The following TENM1 variants were observed in gnomAD, a reference collection of about 807,000 sequenced individuals.
TENM1 encodes teneurin transmembrane protein 1, also known as teneurin-1.
A neutral mutation model predicts 174.8 loss-of-function variants in TENM1; 35 were observed. The observed-to-expected ratio is 0.20, with a 90% CI of 0.15 to 0.27. The LOEUF is 0.27. TENM1 is among the 10% of genes least tolerant of loss of function. The pLI, the probability that TENM1 is intolerant of heterozygous loss-of-function variation, is 1.00. For missense variants in TENM1, 1,633 were observed against 2,130.1 expected (o/e 0.77, Z 4.59); for synonymous variants, 781 against 798.7 (o/e 0.98, Z 0.37).
intron 18 of TENM1, among the ~76,000 whole-genome samples, chrX:124,505,554 A>G (rs1285724419): frequency 1.8e-5 from 2 of 111,235 alleles, no homozygotes; most frequent in Non-Finnish European, 3.8e-5. Flanking sequence ...GTTAGAAAAG[A>G]CTTCAACTCT....
At chrX:124,982,345 G>C in the TENM1 span, among the ~76,000 whole-genome samples, 1 of 106,140 alleles carries the variant, frequency 9.4e-6, no homozygotes, top group Admixed American at 1.0e-4. Context: ...AAGCAACTAA[G>C]TTCTCCTATG....
intron 3 of TENM1, among the ~76,000 whole-genome samples, chrX:124,802,334 T>C (rs922380792): frequency 3.7e-4 from 41 of 111,825 alleles, no homozygotes; most frequent in African/African-American, 1.3e-3. Context: ...TGCTTTCTGT[T>C]TGTTTTTCTT....
Position 124,669,109 on chromosome X carries a change from T to A in TENM1, c.1168+2574A>T, listed in dbSNP as rs188461293. Among the ~76,000 whole-genome samples the A allele has an allele frequency of 3.6e-5, 4 of 112,260 alleles. No individual in the cohort carries two copies. In the East Asian group the frequency reaches 1.1e-3, roughly 31 times the overall value. ...TAATAACTGCTGCTAAATTAAGCAA[T>A]GTGTCAGACACTGTGCTATATGCTT... On this transcript the variant is annotated intron_variant, in intron 6 of 31. Coordinates refer to ENST00000422452, the Ensembl canonical transcript of TENM1.
intron 3 of TENM1, among the ~76,000 whole-genome samples, chrX:124,783,836 G>GGCAACC (rs1242040970): frequency 1.8e-5 from 2 of 112,098 alleles, no homozygotes; most frequent in East Asian, 5.6e-4. Context: ...ACAGAGTTTA[G>GGCAACC]GCAACCACAA....
At chrX:124,444,149 G>A (rs920717117) in intron 23 of TENM1, among the ~76,000 whole-genome samples, 1 of 111,645 alleles carries the variant, frequency 9.0e-6, no homozygotes, top group African/African-American at 3.3e-5. Flanking sequence ...ATTTTATAAT[G>A]GATGAAGGCA....
chrX:124,551,251 G>T (rs1235599586), intron 14 of TENM1, among the ~76,000 whole-genome samples: 1 of 111,653 alleles, frequency 9.0e-6, no homozygotes, highest in Non-Finnish European at 1.9e-5. Context: ...ATTAGGCTAA[G>T]TGAAATAAGT....
Position 124,586,091 on chromosome X carries a change from C to T in TENM1, c.2078-20531G>A, listed in dbSNP as rs1275933554. Among the ~76,000 whole-genome samples, 4 of 109,450 alleles carry T rather than the reference C, an allele frequency of 3.7e-5. No homozygotes were observed. In the South Asian group the frequency reaches 1.2e-3, roughly 33 times the overall value. On this transcript the variant is annotated intron_variant, in intron 11 of 31. Transcript: ENST00000422452. ...GTCCAGGACCAGATGGATTCACAGC[C>T]GAATTCTACCAGAGGTACAAGGAGG...
chrX:124,894,866 A>G (rs2057536028), intron 2 of TENM1, among the ~76,000 whole-genome samples: 1 of 111,761 alleles, frequency 8.9e-6, no homozygotes, highest in Non-Finnish European at 1.9e-5. Flanking sequence ...TATGCTACAT[A>G]TGTCAAATAT....
chrX:124,998,430 T>C, the TENM1 span, among the ~76,000 whole-genome samples: 5 of 107,494 alleles, frequency 4.7e-5, no homozygotes, highest in African/African-American at 1.4e-4. Context: ...ATTCAAAATA[T>C]AAAATTCGAC....
chrX:125,040,354 G>A, the TENM1 span, among the ~76,000 whole-genome samples: 6 of 111,094 alleles, frequency 5.4e-5, no homozygotes, highest in African/African-American at 1.6e-4. Context: ...ATATTTACCT[G>A]TCTGCATATC....
At chrX:124,957,160 T>C (rs772346683) in intron 1 of TENM1, among the ~76,000 whole-genome samples, 263 of 110,989 alleles carry the variant, frequency 2.4e-3, no homozygotes, top group African/African-American at 8.4e-3. Context: ...TAAATGCTGA[T>C]GCATAAGTGT....
intron 1 of TENM1, among the ~76,000 whole-genome samples, chrX:124,902,288 C>A (rs1287613841): frequency 4.5e-5 from 5 of 111,998 alleles, no homozygotes; most frequent in Non-Finnish European, 9.4e-5. Context: ...TAAATAAGAT[C>A]TTGTGCCATA....
chrX:124,720,512 T>C (rs1292229244), intron 4 of TENM1, among the ~76,000 whole-genome samples: 3 of 111,406 alleles, frequency 2.7e-5, no homozygotes, highest in African/African-American at 9.8e-5. Flanking sequence ...GTATTAAGTC[T>C]CCCTAAAATG....
chrX:125,024,623 A>T, the TENM1 span, among the ~76,000 whole-genome samples: 1 of 111,345 alleles, frequency 9.0e-6, no homozygotes, highest in Non-Finnish European at 1.9e-5. Flanking sequence ...GAAGGGGATA[A>T]GGCATCAAAT....
the TENM1 span, among the ~76,000 whole-genome samples, chrX:125,191,904 G>T: frequency 9.0e-6 from 1 of 111,343 alleles, no homozygotes; most frequent in Admixed American, 9.6e-5. Context: ...TTATAAAAGA[G>T]GTCCAGGGAA....
In TENM1 at chrX:124,805,550, C is replaced by T. The variant is rs150317321; in HGVS notation, c.536-68353G>A. Reference sequence around the variant, plus strand: ...CCTGCCCTGGCACCAGATGGGAAAGCATAGCCCTTGTGCAGTGAACTCAAT... The same window carrying T: ...CCTGCCCTGGCACCAGATGGGAAAGTATAGCCCTTGTGCAGTGAACTCAAT... On this transcript the variant is annotated intron_variant, in intron 3 of 31. Coordinates refer to ENST00000422452, the Ensembl canonical transcript of TENM1. Among the ~76,000 whole-genome samples, 87 of 113,064 alleles carry T rather than the reference C, an allele frequency of 7.7e-4. 1 individual carries two copies. Among genetic ancestry groups the T allele is most frequent in the African/African-American group, 2.8e-3 (86 of 31,165 alleles).
At chrX:124,748,225 C>G (rs2053977103) in intron 3 of TENM1, among the ~76,000 whole-genome samples, 2 of 111,457 alleles carry the variant, frequency 1.8e-5, no homozygotes, top group African/African-American at 6.5e-5. Context: ...GCAATTTCCT[C>G]TTTTCCATAC....
intron 3 of TENM1, among the ~76,000 whole-genome samples, chrX:124,799,069 A>G (rs1053325962): frequency 3.6e-5 from 4 of 111,659 alleles, no homozygotes; most frequent in African/African-American, 6.5e-5. Flanking sequence ...TGGTACCAGT[A>G]CCATGCTGTT....
At chrX:124,647,802 T>C (rs1220984378) in intron 8 of TENM1, among the ~76,000 whole-genome samples, 2 of 109,613 alleles carry the variant, frequency 1.8e-5, no homozygotes, top group African/African-American at 6.7e-5. Flanking sequence ...TTCTATAAAT[T>C]TCTCATACTC....
Sources: gnomAD v4.1 joint callset for allele counts (sites outside exome capture counted in the v4.1 genomes callset) on GRCh38, gnomAD v4.1.1 for gene constraint, MANE v1.5 for transcripts, NCBI Gene and HGNC (gene_info 2026-07-23, HGNC 2026-07-21) for gene names.